ATP6V1A: variants seen among roughly 807,000 people sequenced by gnomAD.
ATP6V1A encodes the protein V-type proton ATPase catalytic subunit A.
In ATP6V1A, 18 loss-of-function variants were observed where a neutral mutation model predicts 70.1. The observed-to-expected ratio is 0.26, with a 90% CI of 0.18 to 0.38. The LOEUF is 0.38. ATP6V1A is among the 10% of genes least tolerant of loss of function. The pLI is 1.00. For missense variants in ATP6V1A, 424 were observed against 772.4 expected (o/e 0.55, Z 5.35); for synonymous variants, 232 against 253.8 (o/e 0.91, Z 0.82).
intron 11 of ATP6V1A, among the ~76,000 whole-genome samples, chr3:113,797,965 T>C (rs1258081357): frequency 6.6e-6 from 1 of 152,022 alleles, no homozygotes; most frequent in African/African-American, 2.4e-5. Flanking sequence ...AAACCCCATC[T>C]CTACTAAAAG....
At chr3:113,757,416 GC>G (rs1298797319) in intron 1 of ATP6V1A, among the ~76,000 whole-genome samples, 13 of 152,128 alleles carry the variant, frequency 8.5e-5, no homozygotes, top group African/African-American at 3.1e-4. Flanking sequence ...CTCCAAATGA[GC>G]CATTGAGCCA....
chr3:113,785,506 C>CT (rs987781968), intron 5 of ATP6V1A, among the ~76,000 whole-genome samples: 11,105 of 107,152 alleles, frequency 0.1, 778 homozygotes, highest in East Asian at 0.28. Flanking sequence ...TTTTTCTTTT[C>CT]TTTTTTTTTT....
intron 1 of ATP6V1A, among the ~76,000 whole-genome samples, chr3:113,771,732 C>T (rs563827015): frequency 9.2e-5 from 14 of 152,112 alleles, no homozygotes; most frequent in South Asian, 2.1e-4. Context: ...CCACCGCGCC[C>T]GGCCTCTTTT....
At chr3:113,761,411 A>G (rs186122721) in intron 1 of ATP6V1A, among the ~76,000 whole-genome samples, 44 of 151,554 alleles carry the variant, frequency 2.9e-4, no homozygotes, top group African/African-American at 1.0e-3. Flanking sequence ...TTTGCTCAGT[A>G]ACGAGAGTAA....
At chr3:113,780,694 A>G (rs924961354) in intron 2 of ATP6V1A, 5 of 1,244,450 alleles carry the variant, frequency 4.0e-6, no homozygotes, top group Non-Finnish European at 5.2e-6. Context: ...CATTTATTCC[A>G]ATTTCTACTT....
At chr3:113,797,255 A>T (rs984584505) in intron 11 of ATP6V1A, among the ~76,000 whole-genome samples, 2 of 146,224 alleles carry the variant, frequency 1.4e-5, no homozygotes, top group Admixed American at 6.9e-5. Flanking sequence ...TTAAAAAAAA[A>T]ATTTTTTTTT....
At chr3:113,751,001 A>T (rs939253361) in intron 1 of ATP6V1A, among the ~76,000 whole-genome samples, 1 of 152,160 alleles carries the variant, frequency 6.6e-6, no homozygotes, top group African/African-American at 2.4e-5. Flanking sequence ...CAGTGTCTTA[A>T]TATTTTCTAT....
chr3:113,756,471 A>AACT (rs1440487070), intron 1 of ATP6V1A, among the ~76,000 whole-genome samples: 1 of 132,194 alleles, frequency 7.6e-6, no homozygotes, highest in Non-Finnish European at 1.7e-5. Flanking sequence ...TGTCCTTAGT[A>AACT]ATTTGCCAAA....
At chr3:113,757,608 C>T (rs1708659977) in intron 1 of ATP6V1A, among the ~76,000 whole-genome samples, 1 of 152,100 alleles carries the variant, frequency 6.6e-6, no homozygotes, top group South Asian at 2.1e-4. Flanking sequence ...GAATAAAGTA[C>T]TTAAGAGGCA....
intron 12 of ATP6V1A, among the ~76,000 whole-genome samples, chr3:113,802,388 T>G (rs907394818): frequency 1.3e-5 from 2 of 152,194 alleles, no homozygotes; most frequent in Non-Finnish European, 2.9e-5. Context: ...TGGAGTGCAG[T>G]GGCGCGATCT....
intron 14 of ATP6V1A, 57 bp downstream of exon 14, chr3:113,805,582 T>C (rs1239604013): frequency 1.8e-5 from 28 of 1,519,038 alleles, no homozygotes; most frequent in Non-Finnish European, 2.5e-5. Context: ...TTTTTTCTTT[T>C]TTTTTTAGAC....
At chr3:113,778,884 A>C in intron 2 of ATP6V1A, 49 bp downstream of exon 2, 2 of 1,222,660 alleles carry the variant, frequency 1.6e-6, no homozygotes, top group East Asian at 5.2e-5. Flanking sequence ...ACTTTGATTA[A>C]TGTCTTTTCA....
chr3:113,808,378 G>A (rs1343767067), intron 14 of ATP6V1A, among the ~76,000 whole-genome samples: 10 of 129,926 alleles, frequency 7.7e-5, no homozygotes, highest in East Asian at 2.7e-4. Flanking sequence ...TGCAACCTCC[G>A]CCTCCTGGGT....
chr3:113,769,778 A>G (rs778595970), intron 1 of ATP6V1A, among the ~76,000 whole-genome samples: 2 of 151,836 alleles, frequency 1.3e-5, no homozygotes, highest in Admixed American at 6.6e-5. Context: ...GCCTTTCTGG[A>G]TTTTTCCTCT....
At chr3:113,793,367 ACT>A (rs991608396) in intron 8 of ATP6V1A, among the ~76,000 whole-genome samples, 2 of 151,914 alleles carry the variant, frequency 1.3e-5, no homozygotes, top group African/African-American at 4.8e-5. Context: ...CTGGCCAGAA[ACT>A]CTTTGATTAA....
At chr3:113,751,827 T>C (rs1220982886) in intron 1 of ATP6V1A, among the ~76,000 whole-genome samples, 2 of 151,826 alleles carry the variant, frequency 1.3e-5, no homozygotes, top group Non-Finnish European at 3.0e-5. Flanking sequence ...AAGTGATCTT[T>C]AGAATAATGA....
intron 11 of ATP6V1A, among the ~76,000 whole-genome samples, chr3:113,797,273 A>G (rs1332941458): frequency 1.4e-5 from 2 of 140,004 alleles, no homozygotes; most frequent in African/African-American, 2.7e-5. Context: ...TTTTTTTGAG[A>G]TGGAATCTCA....
intron 8 of ATP6V1A, among the ~76,000 whole-genome samples, chr3:113,791,808 G>A (rs961390397): frequency 2.0e-5 from 3 of 148,382 alleles, no homozygotes; most frequent in Admixed American, 6.7e-5. Flanking sequence ...GCCAAACTGA[G>A]TACAAGGAAC....
intron 1 of ATP6V1A, among the ~76,000 whole-genome samples, chr3:113,755,431 CAAAAAAAA>C (rs1184456240): frequency 5.3e-5 from 2 of 38,046 alleles, no homozygotes; most frequent in Non-Finnish European, 1.2e-4. Flanking sequence ...CATGTCTGTA[CAAAAAAAA>C]AAAAAAAAAA....
Sources: gnomAD v4.1 joint callset for allele counts (sites outside exome capture counted in the v4.1 genomes callset) on GRCh38, gnomAD v4.1.1 for gene constraint, MANE v1.5 for transcripts, NCBI Gene and HGNC (gene_info 2026-07-23, HGNC 2026-07-21) for gene names.